IL17RD: variants seen among roughly 807,000 people sequenced by gnomAD.
The protein encoded by IL17RD is interleukin-17 receptor D.
In IL17RD, 52 loss-of-function variants were observed where a neutral mutation model predicts 80.5. The observed-to-expected ratio is 0.65, with a 90% CI of 0.52 to 0.81. IL17RD has a LOEUF of 0.81. IL17RD is among the 40% of genes least tolerant of loss of function. The pLI, the probability that IL17RD is intolerant of heterozygous loss-of-function variation, is 0.00. For synonymous variants in IL17RD, 416 were observed against 391.8 expected (o/e 1.06, Z -0.73); for missense variants, 1,024 against 955.1 (o/e 1.07, Z -0.95).
Position 57,110,234 on chromosome 3 carries a change from G to T in IL17RD, c.388C>A (p.Leu130Ile). 6.2e-7 allele frequency: 1 copy of T among 1,608,456 alleles called. No individual in the cohort carries two copies. Among genetic ancestry groups the T allele is most frequent in the Middle Eastern group, 1.7e-4 (1 of 6,054 alleles). ...CTGTTGAGCTGCTTCGGATCCTTTAGAATCAGTTGTTGGCACTGTCTTCCC... is the reference window on the plus strand; with the variant it reads ...CTGTTGAGCTGCTTCGGATCCTTTATAATCAGTTGTTGGCACTGTCTTCCC... Reference protein sequence around the residue: ...SEGRQCQQLILKDPKQLNSSF... With the variant: ...SEGRQCQQLIIKDPKQLNSSF... Residue 130 changes from leucine to isoleucine, a missense_variant, in exon 4 of 13, where the codon CTA becomes ATA. Leu to Ile is a conservative substitution (Grantham distance 5, BLOSUM62 2). Coordinates refer to ENST00000296318, the MANE Select transcript of IL17RD (RefSeq NM_017563.5).
At chr3:57,145,331 C>T (rs1173226653) in intron 1 of IL17RD, among the ~76,000 whole-genome samples, 3 of 152,006 alleles carry the variant, frequency 2.0e-5, no homozygotes, top group African/African-American at 4.8e-5. Flanking sequence ...GGAGATGCAC[C>T]GGGTCTTTGG....
rs985471083 is a variant in IL17RD, at chr3:57,092,836, T to A, written c.*3557A>T. On this transcript the variant is annotated 3_prime_UTR_variant, in exon 13 of 13. Transcript: ENST00000296318. The stretch of plus-strand genomic sequence containing the variant: ...CTGGTGGCACCGTCTGTAATTACCA[T>A]GAATGCCTTTCCTTCAAATCTTATA... 6.6e-6 allele frequency: 1 copy of A among 152,218 alleles called. No individual in the cohort carries two copies. The highest frequency in any genetic ancestry group is 2.4e-5 in the African/African-American group (1 of 41,452). 9.4% of individuals were successfully genotyped at this position (152,218 alleles called of 1,614,324 possible).
intron 1 of IL17RD, among the ~76,000 whole-genome samples, chr3:57,154,387 C>T (rs2107540574): frequency 6.6e-6 from 1 of 151,422 alleles, no homozygotes; most frequent in Admixed American, 6.6e-5. Flanking sequence ...TCTCACTCTC[C>T]TTTTTAGAAC....
In IL17RD at chr3:57,091,848, C is replaced by G. The variant is rs988265626; in HGVS notation, c.*4545G>C. 1 of 152,164 alleles carries G rather than the reference C, an allele frequency of 6.6e-6. No individual in the cohort carries two copies. The highest frequency in any genetic ancestry group is 2.4e-5 in the African/African-American group (1 of 41,418). 9.4% of individuals were successfully genotyped at this position (152,164 alleles called of 1,614,324 possible). A position where few individuals can be genotyped will look rare whatever the true frequency, so the allele number is the denominator to read the frequency against. On this transcript the variant is annotated 3_prime_UTR_variant, in exon 13 of 13. Coordinates refer to ENST00000296318, the MANE Select transcript of IL17RD (RefSeq NM_017563.5). Reference sequence around the variant, plus strand: ...CCATATGTCTGGAATAATTCAGGCACAGCCCTGTCTGACACCAGGGGGAGA... The same window carrying G: ...CCATATGTCTGGAATAATTCAGGCAGAGCCCTGTCTGACACCAGGGGGAGA...
Position 57,165,246 on chromosome 3 carries a change from A to G in IL17RD, c.41T>C (p.Val14Ala), listed in dbSNP as rs557467075. Residue 14 changes from valine to alanine, a missense_variant, in exon 1 of 13, where the codon GTC (valine) becomes GCC (alanine). Val to Ala is a moderately conservative substitution (Grantham distance 64, BLOSUM62 0). Coordinates refer to ENST00000296318, the MANE Select transcript of IL17RD (RefSeq NM_017563.5). ...WLQLCSVFFT[V>A]NACLNGSQLA... is the part of the protein sequence containing the mutation. The stretch of plus-strand genomic sequence containing the variant: ...CTGCGAGCCGTTGAGGCAGGCGTTG[A>G]CCGTAAAGAAGACGGAGCAGAGCTG... The G allele has an allele frequency of 1.7e-5, 26 of 1,527,950 alleles. No individual in the cohort carries two copies. The East Asian group carries it at 5.2e-4, about 31-fold the overall frequency. 94.6% of individuals were successfully genotyped at this position (1,527,950 alleles called of 1,614,324 possible).
At chr3:57,126,624 C>T (rs1480613148) in intron 1 of IL17RD, among the ~76,000 whole-genome samples, 1 of 152,186 alleles carries the variant, frequency 6.6e-6, no homozygotes, top group African/African-American at 2.4e-5. Context: ...CCCAGAGCAA[C>T]ATTTCCAATT....
At position 57,102,495 on chromosome 3, in the gene IL17RD, G is replaced by C. The variant is rs751735783; in HGVS notation, c.963C>G (p.Cys321Trp). The C allele has an allele frequency of 6.4e-7, 1 of 1,559,214 alleles. No individual in the cohort carries two copies. Among genetic ancestry groups the C allele is most frequent in the African/African-American group, 1.4e-5 (1 of 74,022 alleles). Residue 321 changes from cysteine to tryptophan, a missense_variant, in exon 10 of 13, where the codon TGC (cysteine) becomes TGG (tryptophan). Transcript: ENST00000296318. ...AAGAGATACCTTGTTGCTTCTTGCG[G>C]CACATCACAGTGAAGAGCGTCGCGA... ...SAFATLFTVM[C>W]RKKQQENIYS...
upstream of IL17RD, among the ~76,000 whole-genome samples, chr3:57,165,583 T>G (rs2060343828): frequency 6.6e-6 from 1 of 151,534 alleles, no homozygotes; most frequent in Non-Finnish European, 1.5e-5. Flanking sequence ...TAGTAGATCT[T>G]TTTTTAATCC....
At chr3:57,145,985 A>G (rs1381040774) in intron 1 of IL17RD, among the ~76,000 whole-genome samples, 1 of 151,996 alleles carries the variant, frequency 6.6e-6, no homozygotes, top group Non-Finnish European at 1.5e-5. Context: ...GTAATGTGCG[A>G]TCAATCCAAA....
intron 11 of IL17RD, among the ~76,000 whole-genome samples, chr3:57,099,893 G>C (rs1020842476): frequency 6.6e-6 from 1 of 152,168 alleles, no homozygotes; most frequent in East Asian, 1.9e-4. Context: ...AAATTATTAA[G>C]AGACTGCAAA....
chr3:57,105,326 T>G (rs1706929196), intron 7 of IL17RD, among the ~76,000 whole-genome samples: 1 of 151,610 alleles, frequency 6.6e-6, no homozygotes, highest in African/African-American at 2.4e-5. Context: ...TCACTTGAGG[T>G]CAGGAGTCTA....
intron 10 of IL17RD, among the ~76,000 whole-genome samples, chr3:57,101,851 A>T (rs1353143513): frequency 6.6e-6 from 1 of 152,238 alleles, no homozygotes; most frequent in African/African-American, 2.4e-5. Context: ...GATCATTTCC[A>T]ACTCCTCAGA....
chr3:57,113,786 TC>T (rs1707149943), intron 3 of IL17RD, among the ~76,000 whole-genome samples: 1 of 151,964 alleles, frequency 6.6e-6, no homozygotes, highest in South Asian at 2.1e-4. Flanking sequence ...CAAATGATCC[TC>T]CCATCTCGGC....
intron 3 of IL17RD, among the ~76,000 whole-genome samples, chr3:57,110,572 T>C (rs1445211314): frequency 1.3e-5 from 2 of 152,258 alleles, no homozygotes; most frequent in Non-Finnish European, 2.9e-5. Context: ...ATTGCCTCTC[T>C]GGCATTAGGG....
chr3:57,141,046 C>T (rs1707818786), intron 1 of IL17RD, among the ~76,000 whole-genome samples: 1 of 151,956 alleles, frequency 6.6e-6, no homozygotes, highest in African/African-American at 2.4e-5. Flanking sequence ...CAGGCGTGTA[C>T]CATCATGCCT....
intron 2 of IL17RD, among the ~76,000 whole-genome samples, chr3:57,115,220 T>C (rs558944918): frequency 7.9e-5 from 12 of 152,320 alleles, no homozygotes; most frequent in African/African-American, 2.9e-4. Flanking sequence ...TTGGGCATTG[T>C]TTGTTTTTAG....
At chr3:57,149,829 T>C (rs1708018042) in intron 1 of IL17RD, among the ~76,000 whole-genome samples, 1 of 152,214 alleles carries the variant, frequency 6.6e-6, no homozygotes. Flanking sequence ...TTCCCAGCTG[T>C]CACCAGGCAC....
At chr3:57,107,206 G>A (rs575429558) in intron 5 of IL17RD, among the ~76,000 whole-genome samples, 3 of 151,952 alleles carry the variant, frequency 2.0e-5, no homozygotes, top group Non-Finnish European at 4.4e-5. Context: ...GTGAAACCCC[G>A]TTTCTACTAA....
chr3:57,147,829 C>CA (rs1220987370), intron 1 of IL17RD, among the ~76,000 whole-genome samples: 9 of 152,184 alleles, frequency 5.9e-5, no homozygotes, highest in Admixed American at 4.6e-4. Flanking sequence ...AGCAGCTATG[C>CA]AACAAGATCT....
Sources: gnomAD v4.1 joint callset for allele counts (sites outside exome capture counted in the v4.1 genomes callset) on GRCh38, gnomAD v4.1.1 for gene constraint, MANE v1.5 for transcripts, NCBI Gene and HGNC (gene_info 2026-07-23, HGNC 2026-07-21) for gene names.